The following SYNE1 variants were observed in gnomAD, a reference collection of about 807,000 sequenced individuals.
SYNE1 encodes the protein nesprin-1.
SYNE1 carries 616 observed loss-of-function variants against 1,111.0 expected under a neutral mutation model. The observed-to-expected ratio is 0.55, with a 90% CI of 0.52 to 0.59. The LOEUF (loss-of-function observed/expected upper bound fraction) is 0.59, where lower values mean the gene tolerates loss of function less well. SYNE1 is among the 20% of genes least tolerant of loss of function. SYNE1 has a pLI of 0.00. For synonymous variants in SYNE1, 3,855 were observed against 3,825.8 expected, an observed-to-expected ratio of 1.01 and a Z score of -0.28; for missense variants, 10,006 against 10,417.0, an observed-to-expected ratio of 0.96 and a Z score of 1.72.
intron 3 of SYNE1, among the ~76,000 whole-genome samples, chr6:152,570,872 A>C (rs1459886249): frequency 6.6e-6 from 1 of 152,164 alleles, no homozygotes; most frequent in African/African-American, 2.4e-5. Flanking sequence ...CACAGCAATA[A>C]GTAAGGTAAG....
chr6:152,401,230 T>C lies in SYNE1; in HGVS notation c.6937A>G (p.Ile2313Val), dbSNP rs2154150998. The change falls in exon 47 of 146, where the codon ATT becomes GTT. Residue 2313 changes from isoleucine to valine, a missense_variant. By Grantham distance (29) the Ile-to-Val change is conservative (BLOSUM62 3). This residue lies in a region of SYNE1 where 4,955 missense variants were observed against 5,017.2 expected (regional missense o/e 0.99). Transcript: ENST00000367255. ...TAQSTQVEKFINDITTWFTKV... is the reference protein window; with the variant it reads ...TAQSTQVEKFVNDITTWFTKV... Reference sequence around the variant, plus strand: ...GTGAACCATGTTGTTATGTCATTAATAAACTTCTCCACTTGTGTACTTTGA... The same window carrying C: ...GTGAACCATGTTGTTATGTCATTAACAAACTTCTCCACTTGTGTACTTTGA... 3 of 1,614,164 alleles carry C rather than the reference T, an allele frequency of 1.9e-6. No individual in the cohort carries two copies. The highest frequency in any genetic ancestry group is 2.5e-6 in the Non-Finnish European group (3 of 1,180,004).
intron 137 of SYNE1, chr6:152,145,448 GGGGA>G: frequency 1.9e-6 from 3 of 1,585,662 alleles, no homozygotes; most frequent in Non-Finnish European, 2.6e-6. Flanking sequence ...TTGCTATACA[GGGGA>G]GGGAGGGAGG....
chr6:152,130,648 C>T, intron 145 of SYNE1, 72 bp downstream of exon 145: 1 of 1,552,410 alleles, frequency 6.4e-7, no homozygotes, highest in Admixed American at 1.7e-5. Flanking sequence ...TATAGGTCAA[C>T]CTAAGTCATG....
intron 62 of SYNE1, among the ~76,000 whole-genome samples, chr6:152,365,444 T>C (rs1160786394): frequency 3.3e-5 from 5 of 152,196 alleles, no homozygotes. Context: ...TCTTTTTCTA[T>C]GTGAGAAGGA....
intron 3 of SYNE1, among the ~76,000 whole-genome samples, chr6:152,627,788 C>T (rs2099688883): frequency 6.6e-6 from 1 of 152,100 alleles, no homozygotes; most frequent in Admixed American, 6.5e-5. Context: ...TCTCTTTGGG[C>T]CTCTTTTGCC....
At chr6:152,245,265 T>C (rs546963557) in intron 105 of SYNE1, among the ~76,000 whole-genome samples, 1 of 152,330 alleles carries the variant, frequency 6.6e-6, no homozygotes, top group Admixed American at 6.5e-5. Flanking sequence ...ATGGTCTGGT[T>C]AGGAAGCCAG....
At chr6:152,552,828 T>C (rs1208105805) in intron 3 of SYNE1, among the ~76,000 whole-genome samples, 3 of 152,138 alleles carry the variant, frequency 2.0e-5, no homozygotes, top group African/African-American at 4.8e-5. Flanking sequence ...GTGGCGTTAG[T>C]GACCCTCCTC....
intron 88 of SYNE1, 63 bp downstream of exon 88, chr6:152,310,625 G>A: frequency 6.2e-7 from 1 of 1,607,736 alleles, no homozygotes; most frequent in Non-Finnish European, 8.5e-7. Flanking sequence ...TTCCATAGTG[G>A]CATTGCCATT....
chr6:152,427,617 A>G (rs767294321), intron 38 of SYNE1, 76 bp downstream of exon 38: 1 of 1,540,080 alleles, frequency 6.5e-7, no homozygotes, highest in Non-Finnish European at 8.9e-7. Flanking sequence ...AAGTTTATTT[A>G]TTTTATTATT....
chr6:152,281,080 T>C (rs1219287043), intron 97 of SYNE1, among the ~76,000 whole-genome samples: 5 of 152,220 alleles, frequency 3.3e-5, no homozygotes, highest in African/African-American at 1.2e-4. Context: ...GTTTTCTAGA[T>C]ATTTCCTAGT....
intron 131 of SYNE1, among the ~76,000 whole-genome samples, chr6:152,160,541 T>C (rs920967174): frequency 4.6e-5 from 7 of 152,164 alleles, no homozygotes; most frequent in African/African-American, 1.2e-4. Context: ...CTTGCTTTAG[T>C]GCGTGTAGCA....
At chr6:152,313,265 G>C (rs1220443590) in intron 87 of SYNE1, among the ~76,000 whole-genome samples, 1 of 152,086 alleles carries the variant, frequency 6.6e-6, no homozygotes, top group Non-Finnish European at 1.5e-5. Context: ...TTATTTCCCA[G>C]ATCTATTAAG....
At chr6:152,227,910 T>C (rs1415520070) in intron 115 of SYNE1, among the ~76,000 whole-genome samples, 1 of 152,164 alleles carries the variant, frequency 6.6e-6, no homozygotes, top group East Asian at 1.9e-4. Context: ...ATGATTCTGT[T>C]TCTGATCAAA....
intron 36 of SYNE1, among the ~76,000 whole-genome samples, chr6:152,429,045 A>G (rs476902): frequency 0.28 from 42,538 of 150,394 alleles, 6,813 homozygotes; most frequent in African/African-American, 0.43. Context: ...AAATACATAT[A>G]AAAAGAATTA....
At chr6:152,495,265 G>T (rs930566716) in intron 11 of SYNE1, among the ~76,000 whole-genome samples, 10 of 152,144 alleles carry the variant, frequency 6.6e-5, no homozygotes, top group African/African-American at 2.4e-4. Flanking sequence ...CTTGGTCTGT[G>T]CAGACACTTT....
At chr6:152,399,148 G>A (rs1183366132) in intron 48 of SYNE1, among the ~76,000 whole-genome samples, 2 of 152,202 alleles carry the variant, frequency 1.3e-5, no homozygotes, top group East Asian at 3.9e-4. Flanking sequence ...ATCCATGTCA[G>A]GCACAGCTGT....
chr6:152,199,268 T>G (rs368764744), intron 127 of SYNE1, among the ~76,000 whole-genome samples: 3 of 152,230 alleles, frequency 2.0e-5, no homozygotes, highest in South Asian at 2.1e-4. Context: ...TTATCCTTTC[T>G]TTTTGTCCTG....
intron 38 of SYNE1, among the ~76,000 whole-genome samples, chr6:152,427,334 C>G (rs1483692252): frequency 6.6e-6 from 1 of 152,168 alleles, no homozygotes; most frequent in Non-Finnish European, 1.5e-5. Context: ...GAGATTATAC[C>G]TATTTCCAGC....
rs991525035 is a variant in SYNE1 at position 152,201,939 on chromosome 6, T to C, written c.23030A>G (p.Lys7677Arg). The change falls in exon 127 of 146, where the codon AAA becomes AGA. Residue 7677 changes from lysine (K) to arginine (R), a missense_variant. Coordinates refer to ENST00000367255, the MANE Select transcript of SYNE1 (RefSeq NM_182961.4). Reference sequence around the variant, plus strand: ...GGAATCTGCTATTCCTTTCTCACATTTTTCCCAGTCCTATCATGGGAATAA... The same window carrying C: ...GGAATCTGCTATTCCTTTCTCACATCTTTCCCAGTCCTATCATGGGAATAA... Reference protein sequence around the residue: ...KLAFLLKDWEKCEKGIADSLE... With the variant: ...KLAFLLKDWERCEKGIADSLE... The C allele has an allele frequency of 3.0e-5, 49 of 1,613,834 alleles. No homozygotes were observed. The highest frequency in any genetic ancestry group is 3.8e-5 in the Non-Finnish European group (45 of 1,179,896).
Sources: allele counts gnomAD v4.1 joint callset (sites outside exome capture counted in the v4.1 genomes callset), GRCh38; gene constraint gnomAD v4.1.1; regional missense constraint gnomAD v4.1.1; transcripts MANE v1.5; gene names NCBI Gene and HGNC (gene_info 2026-07-23, HGNC 2026-07-21).